Variants in BCL7A observed in about 807,000 individuals in gnomAD.
The protein encoded by BCL7A is B-cell CLL/lymphoma 7 protein family member A.
In BCL7A, 11 loss-of-function variants were observed where a neutral mutation model predicts 28.4. That is an observed-to-expected ratio of 0.39 (90% CI 0.24 to 0.64). The LOEUF (loss-of-function observed/expected upper bound fraction) is 0.64, where lower values mean the gene tolerates loss of function less well. BCL7A is among the 30% of genes least tolerant of loss of function. The pLI is 0.50. For synonymous variants in BCL7A, 123 were observed against 103.3 expected (o/e 1.19, Z -1.15); for missense variants, 222 against 274.8 (o/e 0.81, Z 1.36).
rs538169515 is a variant in BCL7A at position 122,030,849 on chromosome 12, G to C, written c.174+68G>C. The C allele has an allele frequency of 2.4e-3, 3,630 of 1,486,778 alleles. 9 individuals are homozygous for C. The highest frequency in any genetic ancestry group is 2.8e-3 in the Non-Finnish European group (2,938 of 1,065,490). 92.1% of individuals were successfully genotyped at this position (1,486,778 alleles called of 1,614,324 possible). A position where few individuals can be genotyped will look rare whatever the true frequency, so the allele number is the denominator to read the frequency against. ...GTGCTCCTCCCACCATGGGGAGGGA[G>C]ATTGTCCACTGCTACCCACCGTGCT... On this transcript the variant is annotated intron_variant, in intron 2 of 5. Transcript: ENST00000261822.
Position 122,022,149 on chromosome 12 carries a change from A to T in BCL7A, c.58A>T (p.Arg20Trp), listed in dbSNP as rs1215968468. Reference protein sequence around the residue: ...TRSRAKDDIKRVMAAIEKVRK... With the variant: ...TRSRAKDDIKWVMAAIEKVRK... ...GAGCCGGGCCAAAGATGATATCAAG[A>T]GGGTCATGGCGGCGATCGAGAAAGT... Residue 20 changes from arginine (R) to tryptophan (W), a missense_variant, in exon 1 of 6, where the codon AGG (arginine) becomes TGG (tryptophan). Arg to Trp is a moderately radical substitution (Grantham distance 101). This residue lies in a region of BCL7A where 67 missense variants were observed against 129.1 expected (regional missense o/e 0.52). Coordinates refer to ENST00000261822, the MANE Select transcript of BCL7A (RefSeq NM_001024808.3). 1 of 1,577,816 alleles carries T rather than the reference A, an allele frequency of 6.3e-7. No homozygotes were observed. The highest frequency in any genetic ancestry group is 8.6e-7 in the Non-Finnish European group (1 of 1,161,188).
intron 1 of BCL7A, among the ~76,000 whole-genome samples, chr12:122,027,493 T>C (rs1200992822): frequency 6.6e-6 from 1 of 152,016 alleles, no homozygotes; most frequent in East Asian, 1.9e-4. Context: ...TGAGCAGTGA[T>C]CGCACCACCG....
intron 1 of BCL7A, among the ~76,000 whole-genome samples, chr12:122,027,693 C>T (rs1225289619): frequency 3.3e-5 from 5 of 151,890 alleles, no homozygotes; most frequent in South Asian, 2.1e-4. Context: ...AAAAATTAGC[C>T]GGGCGTGGTG....
chr12:122,035,693 C>T (rs1162169315), intron 3 of BCL7A, among the ~76,000 whole-genome samples: 3 of 152,228 alleles, frequency 2.0e-5, no homozygotes, highest in African/African-American at 7.2e-5. Flanking sequence ...AAGAACCCCG[C>T]AGGAGATGTT....
intron 1 of BCL7A, among the ~76,000 whole-genome samples, chr12:122,024,994 CCT>C (rs1193673629): frequency 6.6e-6 from 1 of 151,540 alleles, no homozygotes; most frequent in Non-Finnish European, 1.5e-5. Context: ...CTGTGGCCTC[CCT>C]CTCATTTGGG....
intron 3 of BCL7A, among the ~76,000 whole-genome samples, chr12:122,041,146 G>C (rs143846431): frequency 4.6e-5 from 7 of 152,230 alleles, no homozygotes; most frequent in Admixed American, 2.0e-4. Flanking sequence ...GTGCTTCCTC[G>C]GCAGGTTGAG....
At chr12:122,056,000 T>C (rs1951876027) in intron 5 of BCL7A, among the ~76,000 whole-genome samples, 2 of 152,214 alleles carry the variant, frequency 1.3e-5, no homozygotes, top group Non-Finnish European at 2.9e-5. Flanking sequence ...GCCCTAGCTC[T>C]AAGGGGCTGC....
rs115032877 is a variant in BCL7A, at chr12:122,050,122, G to A, written c.440-4683G>A. Among the ~76,000 whole-genome samples, 906 of 152,232 alleles carry A rather than the reference G, an allele frequency of 6.0e-3. 11 individuals carry two copies. The highest frequency in any genetic ancestry group is 0.02 in the African/African-American group (838 of 41,532). ...CTCACGAGTAGCTGGGACTACAGGC[G>A]TGCATTTGCCATCACACCTGGTTCA... On this transcript the variant is annotated intron_variant, in intron 4 of 5. Transcript: ENST00000261822.
rs187000025 is a variant in BCL7A, at chr12:122,058,877, G to A, written c.562-215G>A. Among the ~76,000 whole-genome samples the A allele has an allele frequency of 5.4e-4, 82 of 152,226 alleles. 2 individuals carry two copies. The highest frequency in any genetic ancestry group is 3.1e-3 in the Admixed American group (47 of 15,288). On this transcript the variant is annotated intron_variant, in intron 5 of 5. Transcript: ENST00000261822. ...TCAGGCAGGGGCCAGGGGACACCGCGCTCCATAGCTCCAGGAAGAGTTTGG... is the reference window on the plus strand; with the variant it reads ...TCAGGCAGGGGCCAGGGGACACCGCACTCCATAGCTCCAGGAAGAGTTTGG...
intron 1 of BCL7A, among the ~76,000 whole-genome samples, chr12:122,025,392 G>A (rs934228566): frequency 2.0e-5 from 3 of 152,032 alleles, no homozygotes; most frequent in Non-Finnish European, 2.9e-5. Flanking sequence ...CTGGGAGGCC[G>A]GGCAGGCGGA....
At chr12:122,040,310 C>T (rs555728571) in intron 3 of BCL7A, among the ~76,000 whole-genome samples, 116 of 152,004 alleles carry the variant, frequency 7.6e-4, no homozygotes, top group Non-Finnish European at 1.2e-3. Flanking sequence ...TTGTGAGGAT[C>T]GTTTAAGGTC....
In BCL7A at chr12:122,021,935, TGTGTGTGTGTGTGTGTGTGTGTGA is replaced by T. The variant is rs1883464340; in HGVS notation, c.-149_-126del. ...CGGGCTTTGTGTGTGTGTGTATGTG[TGTGTGTGTGTGTGTGTGTGTGTGA>T]GTGTGTGCGTGTGAGAGTGCGAGTG... On this transcript the variant is annotated 5_prime_UTR_variant, in exon 1 of 6. The change abolishes the stop of an existing upstream ORF in the 5' untranslated region. Coordinates refer to ENST00000261822, the MANE Select transcript of BCL7A (RefSeq NM_001024808.3). 7 of 542,734 alleles carry T rather than the reference TGTGTGTGTGTGTGTGTGTGTGTGA, an allele frequency of 1.3e-5. No individual in the cohort carries two copies. The highest frequency in any genetic ancestry group is 4.0e-5 in the South Asian group (2 of 50,444). 33.6% of individuals were successfully genotyped at this position (542,734 alleles called of 1,614,324 possible). A position where few individuals can be genotyped will look rare whatever the true frequency, so the allele number is the denominator to read the frequency against.
chr12:122,035,046 T>C (rs773540651), intron 2 of BCL7A, among the ~76,000 whole-genome samples: 1 of 152,220 alleles, frequency 6.6e-6, no homozygotes, highest in Admixed American at 6.5e-5. Flanking sequence ...ACACTGCTGC[T>C]GACAGCCCCA....
intron 4 of BCL7A, among the ~76,000 whole-genome samples, chr12:122,045,757 T>C (rs932888723): frequency 6.6e-6 from 1 of 152,062 alleles, no homozygotes; most frequent in Non-Finnish European, 1.5e-5. Context: ...CTCAGGACAT[T>C]TCATCCCTAA....
rs1476438747 is a variant in BCL7A, at chr12:122,033,622, CTTAT to C, written c.175-1697_175-1694del. 3.3e-5 allele frequency among the ~76,000 whole-genome samples: 5 copies of C among 151,764 alleles called. No homozygotes were observed. The East Asian group carries it at 9.7e-4, about 30-fold the overall frequency. Reference sequence around the variant, plus strand: ...CCACCACGCCCAGCCACACACCTGGCTTATTTATTTATTTAATAGAGACAGGGTC... The same window carrying C: ...CCACCACGCCCAGCCACACACCTGGCTTATTTATTTAATAGAGACAGGGTC... On this transcript the variant is annotated intron_variant, in intron 2 of 5. Transcript: ENST00000261822.
chr12:122,024,141 T>G (rs991677968), intron 1 of BCL7A, among the ~76,000 whole-genome samples: 5 of 152,208 alleles, frequency 3.3e-5, no homozygotes. Flanking sequence ...GGCCTGTAGT[T>G]GGAGCTTGAG....
intron 4 of BCL7A, among the ~76,000 whole-genome samples, chr12:122,045,586 C>T (rs1270730353): frequency 1.3e-5 from 2 of 151,892 alleles, no homozygotes; most frequent in African/African-American, 2.4e-5. Context: ...TGAATGTGTA[C>T]ACAAATATTT....
intron 2 of BCL7A, among the ~76,000 whole-genome samples, chr12:122,034,640 G>A (rs1883813359): frequency 6.6e-6 from 1 of 151,618 alleles, no homozygotes; most frequent in Non-Finnish European, 1.5e-5. Context: ...GGAGGCTGAG[G>A]CAGAAGAATC....
chr12:122,046,919 T>A (rs1035180871), intron 4 of BCL7A, among the ~76,000 whole-genome samples: 3 of 151,798 alleles, frequency 2.0e-5, no homozygotes, highest in Non-Finnish European at 4.4e-5. Flanking sequence ...TTTTTTTTTT[T>A]TCCAGACGGA....
Sources: allele counts gnomAD v4.1 joint callset (sites outside exome capture counted in the v4.1 genomes callset), GRCh38; gene constraint gnomAD v4.1.1; regional missense constraint gnomAD v4.1.1; transcripts MANE v1.5; gene names NCBI Gene and HGNC (gene_info 2026-07-23, HGNC 2026-07-21).